The following HDLBP variants were observed in gnomAD, a reference collection of about 807,000 sequenced individuals.
HDLBP encodes the protein high density lipoprotein binding protein, also known as vigilin.
A neutral mutation model predicts 137.3 loss-of-function variants in HDLBP; 30 were observed. The observed-to-expected ratio is 0.22, with a 90% CI of 0.16 to 0.30. The LOEUF (loss-of-function observed/expected upper bound fraction) is 0.30. HDLBP is among the 10% of genes least tolerant of loss of function. The pLI, the probability that HDLBP is intolerant of heterozygous loss-of-function variation, is 1.00. For synonymous variants in HDLBP, 606 were observed against 596.0 expected, an observed-to-expected ratio of 1.02 and a Z score of -0.24; for missense variants, 1,119 against 1,667.3, an observed-to-expected ratio of 0.67 and a Z score of 5.73.
At chr2:241,256,574 G>C in intron 6 of HDLBP, 26 bp downstream of exon 6, 1 of 1,607,024 alleles carries the variant, frequency 6.2e-7, no homozygotes, top group Non-Finnish European at 8.5e-7. Context: ...GTAGGCAGGG[G>C]CACGAGGCAC....
intron 1 of HDLBP, among the ~76,000 whole-genome samples, chr2:241,294,815 A>G (rs1559550657): frequency 6.6e-6 from 1 of 152,326 alleles, no homozygotes; most frequent in East Asian, 1.9e-4. Flanking sequence ...AAGGAGGACA[A>G]ATAGGCCAGA....
At position 241,230,673 on chromosome 2, in the gene HDLBP, A is replaced by T. The variant is rs2069633602; in HGVS notation, c.3474+86T>A. On this transcript the variant is annotated intron_variant, in intron 25 of 27. Coordinates refer to ENST00000310931, the MANE Select transcript of HDLBP (RefSeq NM_005336.6). This position sits in a 1 kb window ranked among gnomAD's most constrained non-coding sequence, Gnocchi z 5.0. ...GTTGTGGCCTCATCATCTTGAGGGGAAGGCCATGCCCTGCTCTTTCTTCTG... is the reference window on the plus strand; with the variant it reads ...GTTGTGGCCTCATCATCTTGAGGGGTAGGCCATGCCCTGCTCTTTCTTCTG... The T allele has an allele frequency of 8.7e-7, 1 of 1,151,518 alleles. No individual in the cohort carries two copies. The highest frequency in any genetic ancestry group is 2.5e-5 in the East Asian group (1 of 39,968). 71.3% of individuals were successfully genotyped at this position (1,151,518 alleles called of 1,614,324 possible). A position where few individuals can be genotyped will look rare whatever the true frequency, so the allele number is the denominator to read the frequency against.
intron 1 of HDLBP, among the ~76,000 whole-genome samples, chr2:241,274,814 G>C (rs2074331224): frequency 6.6e-6 from 1 of 152,156 alleles, no homozygotes; most frequent in African/African-American, 2.4e-5. Flanking sequence ...TCCATGGCTA[G>C]CAATATTCAG....
intron 16 of HDLBP, 199 bp from the exon 17 acceptor site, chr2:241,242,877 T>A (rs563752203): frequency 6.7e-6 from 4 of 593,548 alleles, no homozygotes; most frequent in African/African-American, 5.6e-5. Context: ...CTGGGGAGAG[T>A]GGGGTGCGCC....
intron 5 of HDLBP, 103 bp downstream of exon 5, chr2:241,262,608 C>T: frequency 1.2e-6 from 1 of 824,282 alleles, no homozygotes; most frequent in Non-Finnish European, 2.0e-6. Flanking sequence ...ACGGAACTGT[C>T]CCACTGGTAG....
chr2:241,244,276 C>T (rs527425888), intron 16 of HDLBP, among the ~76,000 whole-genome samples: 3 of 152,258 alleles, frequency 2.0e-5, no homozygotes, highest in Admixed American at 2.0e-4. Flanking sequence ...CAGCAAGGGG[C>T]TAACACAACA....
In HDLBP at chr2:241,266,671, C is replaced by A. The variant is rs1033321095; in HGVS notation, c.76+123G>T. 5.7e-6 allele frequency: 4 copies of A among 705,870 alleles called. No individual in the cohort carries two copies. In the African/African-American group the frequency reaches 7.0e-5, roughly 12 times the overall value. The allele number at this position is 705,870 out of a possible 1,614,324, so 43.7% of individuals were successfully genotyped here. On this transcript the variant is annotated intron_variant, in intron 3 of 27. Transcript: ENST00000310931. ...GAAAACAGTGCACAAGATGTTGGAC[C>A]CTCCCTGCCCCACAACCACAGGGCC...
chr2:241,272,701 AGCCCGCCCGCCCCGTCCGCCC>A lies in HDLBP; in HGVS notation c.-102-4181_-102-4161del, dbSNP rs1362731064. 1.2e-5 allele frequency: 7 copies of A among 583,088 alleles called. No individual in the cohort carries two copies. Among genetic ancestry groups the A allele is most frequent in the Non-Finnish European group, 1.4e-5 (7 of 510,302 alleles). 36.1% of individuals were successfully genotyped at this position (583,088 alleles called of 1,614,324 possible). On this transcript the variant is annotated intron_variant, in intron 1 of 27. Transcript: ENST00000310931. This position sits in a 1 kb window ranked among gnomAD's most constrained non-coding sequence, Gnocchi z 5.6. ...GCCACCCCCCACCCCCCCGCCCGGC[AGCCCGCCCGCCCCGTCCGCCC>A]GCCCGCCCAGGCCTCCCAGCCCCGT...
intron 1 of HDLBP, chr2:241,280,227 A>C: frequency 1.8e-6 from 1 of 566,322 alleles, no homozygotes; most frequent in East Asian, 1.4e-4. Context: ...CTCATATTAC[A>C]TTTTTATTAG....
At chr2:241,298,121 T>G (rs1191921555) in intron 1 of HDLBP, among the ~76,000 whole-genome samples, 1 of 138,236 alleles carries the variant, frequency 7.2e-6, no homozygotes, top group African/African-American at 2.8e-5. Flanking sequence ...ATCCTAGCAC[T>G]TTGGGAGGCA....
At chr2:241,277,207 C>CT (rs1198172448) in intron 1 of HDLBP, among the ~76,000 whole-genome samples, 2 of 152,010 alleles carry the variant, frequency 1.3e-5, no homozygotes, top group East Asian at 3.8e-4. Context: ...AAGATTGTTG[C>CT]TTAAAGCCTT....
intron 5 of HDLBP, among the ~76,000 whole-genome samples, chr2:241,260,868 A>ACGGT (rs915269850): frequency 2.0e-5 from 3 of 152,080 alleles, no homozygotes; most frequent in Non-Finnish European, 4.4e-5. Flanking sequence ...CCAAAAACCT[A>ACGGT]CGGTCCCCAC....
chr2:241,265,432 G>A (rs2073579509), intron 3 of HDLBP, among the ~76,000 whole-genome samples: 1 of 152,162 alleles, frequency 6.6e-6, no homozygotes, highest in Admixed American at 6.5e-5. Context: ...AAAAAAGACT[G>A]CAGTGGCAAT....
At position 241,230,303 on chromosome 2, in the gene HDLBP, T is replaced by C; in HGVS notation, c.3475-34A>G. 7.8e-7 allele frequency: 1 copy of C among 1,286,130 alleles called. No individual in the cohort carries two copies. The highest frequency in any genetic ancestry group is 2.2e-5 in the Admixed American group (1 of 45,080). The allele number at this position is 1,286,130 out of a possible 1,614,324, so 79.7% of individuals were successfully genotyped here. On this transcript the variant is annotated intron_variant, in intron 25 of 27. Coordinates refer to ENST00000310931, the MANE Select transcript of HDLBP (RefSeq NM_005336.6). The surrounding 1 kb of genome is among the most constrained non-coding windows in gnomAD (Gnocchi z 5.0). ...GGTGTACAACGTCAGATGAGGGGAC[T>C]CCAAGCGAGGAAAAGGGTTAAAATT...
At chr2:241,278,454 A>G (rs1190429993) in intron 1 of HDLBP, among the ~76,000 whole-genome samples, 1 of 151,944 alleles carries the variant, frequency 6.6e-6, no homozygotes, top group Non-Finnish European at 1.5e-5. Context: ...ATGGTGGCAC[A>G]TGCCTGTACT....
intron 11 of HDLBP, 70 bp downstream of exon 11, chr2:241,252,887 C>T: frequency 9.5e-7 from 1 of 1,047,832 alleles, no homozygotes; most frequent in Non-Finnish European, 1.5e-6. Flanking sequence ...CGTCACAGTT[C>T]TCACAGCTGA....
Position 241,233,051 on chromosome 2 carries a change from C to T in HDLBP, c.3288+769G>A, listed in dbSNP as rs1361347055. ...GCACATCCACAGTGGGAGCGAGGGG[C>T]GTGGAGGGGCTCTGCTGCCAGGGGG... On this transcript the variant is annotated intron_variant, in intron 24 of 27. Coordinates refer to ENST00000310931, the MANE Select transcript of HDLBP (RefSeq NM_005336.6). The surrounding 1 kb of genome is among the most constrained non-coding windows in gnomAD (Gnocchi z 4.3). 1.3e-5 allele frequency among the ~76,000 whole-genome samples: 2 copies of T among 151,956 alleles called. No individual in the cohort carries two copies. The highest frequency in any genetic ancestry group is 2.9e-5 in the Non-Finnish European group (2 of 67,988).
Position 241,229,885 on chromosome 2 carries a change from G to A in HDLBP, c.3668C>T (p.Ser1223Phe). 3 of 1,593,712 alleles carry A rather than the reference G, an allele frequency of 1.9e-6. No homozygotes were observed. Among genetic ancestry groups the A allele is most frequent in the Non-Finnish European group, 2.6e-6 (3 of 1,169,354 alleles). The change falls in exon 27 of 28, where the codon TCC (serine) becomes TTC (phenylalanine). Residue 1223 changes from serine to phenylalanine, a missense_variant. Physicochemically the swap from Ser to Phe is radical, Grantham distance 155. Coordinates refer to ENST00000310931, the MANE Select transcript of HDLBP (RefSeq NM_005336.6). Reference protein sequence around the residue: ...PPAHEEAKAPSRGFVVRDAPW... With the variant: ...PPAHEEAKAPFRGFVVRDAPW... ...TGCGTCCCGCACCACAAAGCCTCTG[G>A]AAGGTGCCTTGGCCTCTTCGTGTGC...
chr2:241,239,868 C>T lies in HDLBP; in HGVS notation c.2391+33G>A, dbSNP rs371754937. ...AAGATAAGCCACCCCATCACGGCCC[C>T]AGCAGAGTCGGCCGCCGAGGCCCGC... On this transcript the variant is annotated intron_variant, in intron 18 of 27. Coordinates refer to ENST00000310931, the MANE Select transcript of HDLBP (RefSeq NM_005336.6). The surrounding 1 kb of genome is among the most constrained non-coding windows in gnomAD (Gnocchi z 4.6). The T allele has an allele frequency of 1.2e-6, 2 of 1,612,542 alleles. No individual in the cohort carries two copies. The highest frequency in any genetic ancestry group is 2.7e-5 in the African/African-American group (2 of 74,886).
Sources: gnomAD v4.1 joint callset for allele counts (sites outside exome capture counted in the v4.1 genomes callset) on GRCh38, gnomAD v4.1.1 for gene constraint, Gnocchi (gnomAD v3.1) non-coding constraint, MANE v1.5 for transcripts, NCBI Gene and HGNC (gene_info 2026-07-23, HGNC 2026-07-21) for gene names.